Variants in SUGCT observed in about 807,000 individuals in gnomAD.
SUGCT encodes succinyl-CoA:glutarate CoA-transferase.
In SUGCT, 41 loss-of-function variants were observed where a neutral mutation model predicts 55.0. The ratio of observed to expected loss-of-function variants is 0.74; its 90% confidence interval spans 0.58 to 0.97. The LOEUF is 0.97. SUGCT is among the 50% of genes least tolerant of loss of function. The pLI is 0.00. For synonymous variants in SUGCT, 187 were observed against 200.4 expected, an observed-to-expected ratio of 0.93 and a Z score of 0.56; for missense variants, 568 against 547.8, an observed-to-expected ratio of 1.04 and a Z score of -0.37.
the SUGCT span, among the ~76,000 whole-genome samples, chr7:41,008,420 T>G: frequency 6.6e-6 from 1 of 152,168 alleles, no homozygotes; most frequent in Non-Finnish European, 1.5e-5. Flanking sequence ...GTGGGGCCAA[T>G]GAAAGGTCAC....
chr7:40,895,689 C>T, the SUGCT span, among the ~76,000 whole-genome samples: 138 of 151,890 alleles, frequency 9.1e-4, 5 homozygotes, highest in South Asian at 0.026. Context: ...AAAAGAAAAT[C>T]GAAATACAAA....
At chr7:40,215,861 C>CA (rs60149673) in intron 6 of SUGCT, among the ~76,000 whole-genome samples, 3,489 of 109,062 alleles carry the variant, frequency 0.032, 50 homozygotes, top group Middle Eastern at 0.11. Flanking sequence ...GACTCCGTCT[C>CA]AAAAAAAAAA....
At chr7:40,594,392 C>T (rs1797894006) in intron 12 of SUGCT, among the ~76,000 whole-genome samples, 1 of 151,464 alleles carries the variant, frequency 6.6e-6, no homozygotes, top group Non-Finnish European at 1.5e-5. Flanking sequence ...CTACCCAAGT[C>T]ATCTCTACCA....
At chr7:40,872,291 T>C in the SUGCT span, among the ~76,000 whole-genome samples, 3 of 152,188 alleles carry the variant, frequency 2.0e-5, no homozygotes, top group Non-Finnish European at 4.4e-5. Context: ...TGCGGTATAA[T>C]TGATCCACAG....
chr7:40,597,574 G>C (rs974616920), intron 12 of SUGCT, among the ~76,000 whole-genome samples: 1 of 152,096 alleles, frequency 6.6e-6, no homozygotes, highest in Non-Finnish European at 1.5e-5. Flanking sequence ...AGAGGGGTGG[G>C]ATGAAGACTA....
intron 12 of SUGCT, among the ~76,000 whole-genome samples, chr7:40,552,038 T>A (rs1011387333): frequency 6.6e-6 from 1 of 152,182 alleles, no homozygotes; most frequent in Non-Finnish European, 1.5e-5. Context: ...AAAGCATCTA[T>A]GAGGTGCTAG....
At chr7:40,340,255 A>G (rs1796971995) in intron 9 of SUGCT, among the ~76,000 whole-genome samples, 1 of 152,208 alleles carries the variant, frequency 6.6e-6, no homozygotes, top group Non-Finnish European at 1.5e-5. Flanking sequence ...GAATGGAATT[A>G]TACTGGACTT....
At chr7:40,798,507 GAA>G (rs1191908607) in intron 13 of SUGCT, among the ~76,000 whole-genome samples, 1 of 152,160 alleles carries the variant, frequency 6.6e-6, no homozygotes, top group African/African-American at 2.4e-5. Flanking sequence ...AGCAGTGAAA[GAA>G]AAAGTCAGAA....
At chr7:40,271,427 C>G (rs1792007154) in intron 7 of SUGCT, among the ~76,000 whole-genome samples, 1 of 152,112 alleles carries the variant, frequency 6.6e-6, no homozygotes, top group Non-Finnish European at 1.5e-5. Flanking sequence ...CGTGCCTGGC[C>G]TCTTGTCTTG....
intron 13 of SUGCT, among the ~76,000 whole-genome samples, chr7:40,768,199 A>G (rs1319341005): frequency 6.6e-6 from 1 of 152,162 alleles, no homozygotes; most frequent in East Asian, 1.9e-4. Flanking sequence ...TTCAGCAGGT[A>G]AGATTCCATA....
chr7:40,322,792 A>G (rs943101723), intron 9 of SUGCT, among the ~76,000 whole-genome samples: 19 of 151,974 alleles, frequency 1.3e-4, no homozygotes, highest in African/African-American at 4.4e-4. Flanking sequence ...TCTCTCAAAT[A>G]AAAAAGAAGA....
At chr7:40,681,440 C>A (rs1035551704) in intron 12 of SUGCT, among the ~76,000 whole-genome samples, 2 of 152,120 alleles carry the variant, frequency 1.3e-5, no homozygotes, top group African/African-American at 2.4e-5. Flanking sequence ...GAGTGGCACG[C>A]TTTGTTATAG....
At chr7:40,766,272 G>A (rs544525105) in intron 13 of SUGCT, among the ~76,000 whole-genome samples, 18 of 152,212 alleles carry the variant, frequency 1.2e-4, no homozygotes, top group African/African-American at 4.1e-4. Flanking sequence ...GTGCAGTGGC[G>A]TGATCTCTGC....
At chr7:40,837,116 C>T (rs1305693911) in intron 13 of SUGCT, among the ~76,000 whole-genome samples, 2 of 152,014 alleles carry the variant, frequency 1.3e-5, no homozygotes, top group Non-Finnish European at 2.9e-5. Flanking sequence ...TATCAATATT[C>T]CTTATTTTAG....
At chr7:40,908,066 C>T in the SUGCT span, among the ~76,000 whole-genome samples, 1 of 151,822 alleles carries the variant, frequency 6.6e-6, no homozygotes, top group Non-Finnish European at 1.5e-5. Flanking sequence ...GGAAAGGCAT[C>T]ACCAGGACAG....
At chr7:40,803,800 C>T (rs941962194) in intron 13 of SUGCT, among the ~76,000 whole-genome samples, 1 of 152,118 alleles carries the variant, frequency 6.6e-6, no homozygotes, top group Non-Finnish European at 1.5e-5. Context: ...AAACCATTTC[C>T]AGCACATTTG....
chr7:40,380,292 T>C (rs1784806940), intron 9 of SUGCT, among the ~76,000 whole-genome samples: 2 of 152,168 alleles, frequency 1.3e-5, no homozygotes, highest in Admixed American at 6.5e-5. Context: ...CTCAACTGTT[T>C]TTACCATGAT....
the SUGCT span, chr7:40,965,691 G>T: frequency 6.6e-6 from 1 of 152,270 alleles, no homozygotes. Flanking sequence ...AAGTTTCAGA[G>T]ATTTGGTAAT....
chr7:40,466,347 A>G (rs1790109829), intron 11 of SUGCT, among the ~76,000 whole-genome samples: 2 of 152,176 alleles, frequency 1.3e-5, no homozygotes, highest in Non-Finnish European at 2.9e-5. Context: ...ATGTTTCCCC[A>G]TATACTCATT....
Sources: gnomAD v4.1 joint callset for allele counts (sites outside exome capture counted in the v4.1 genomes callset) on GRCh38, gnomAD v4.1.1 for gene constraint, MANE v1.5 for transcripts, NCBI Gene and HGNC (gene_info 2026-07-23, HGNC 2026-07-21) for gene names.